The following OCRL variants were observed in gnomAD, a reference collection of about 807,000 sequenced individuals.
OCRL encodes the protein OCRL inositol polyphosphate-5-phosphatase.
In OCRL, 8 loss-of-function variants were observed where a neutral mutation model predicts 78.9. That is an observed-to-expected ratio of 0.10 (90% CI 0.06 to 0.18). The LOEUF (loss-of-function observed/expected upper bound fraction) is 0.18. OCRL is among the 10% of genes least tolerant of loss of function. The pLI is 1.00. For synonymous variants in OCRL, 240 were observed against 235.4 expected (o/e 1.02, Z -0.18); for missense variants, 454 against 696.7 (o/e 0.65, Z 3.92).
Position 129,562,635 on chromosome X carries a change from C to T in OCRL, c.1093C>T (p.His365Tyr), listed in dbSNP as rs1428496175. The change falls in exon 12 of 24, where the codon CAC becomes TAC. Residue 365 changes from histidine to tyrosine, a missense_variant. His to Tyr is a moderately conservative substitution (Grantham distance 83). Around this residue, in one of 2 missense-constraint regions of OCRL, gnomAD observed 277 missense variants for 517.1 expected, o/e 0.54. Transcript: ENST00000371113. ...KGGVAVRFVF[H>Y]NTTFCIVNSH... The stretch of plus-strand genomic sequence containing the variant: ...TGGGGTAGCTGTGAGATTTGTATTT[C>T]ACAACACCACCTTTTGCATTGTCAA... 2 of 1,209,773 alleles carry T rather than the reference C, an allele frequency of 1.7e-6. No individual in the cohort carries two copies. Among genetic ancestry groups the T allele is most frequent in the Non-Finnish European group, 2.2e-6 (2 of 894,923 alleles).
chrX:129,544,116 A>G (rs773227827), intron 2 of OCRL, among the ~76,000 whole-genome samples: 35 of 111,406 alleles, frequency 3.1e-4, no homozygotes, highest in Non-Finnish European at 5.8e-4. Context: ...ACAAAAAACT[A>G]AAAACAATAC....
chrX:129,576,213 C>T, intron 17 of OCRL, 104 bp from the exon 18 acceptor site: 1 of 939,361 alleles, frequency 1.1e-6, no homozygotes, highest in East Asian at 3.1e-5. Context: ...CCCCTCATTG[C>T]TTAATGATTT....
In OCRL at chrX:129,548,577, C is replaced by T; in HGVS notation, c.214C>T (p.Leu72Phe). 2 of 1,205,188 alleles carry T rather than the reference C, an allele frequency of 1.7e-6. No homozygotes were observed. Among genetic ancestry groups the T allele is most frequent in the Non-Finnish European group, 2.2e-6 (2 of 889,846 alleles). The stretch of plus-strand genomic sequence containing the variant: ...TCCCCTCTCAGAAGCAGAAGAAACT[C>T]TTTTGATTGACATAGCTTCTAACAG... ...FRCVQEAEETLLIDIASNSGC... is the reference protein window; with the variant it reads ...FRCVQEAEETFLIDIASNSGC... The change falls in exon 4 of 24, where the codon CTT (leucine) becomes TTT (phenylalanine). Residue 72 changes from leucine (L) to phenylalanine (F), a missense_variant. Transcript: ENST00000371113.
chrX:129,545,782 G>GT (rs2124388863), intron 3 of OCRL, among the ~76,000 whole-genome samples: 1 of 111,943 alleles, frequency 8.9e-6, no homozygotes, highest in South Asian at 3.7e-4. Flanking sequence ...TGGAAAACTT[G>GT]TTTTTTCAAG....
intron 20 of OCRL, among the ~76,000 whole-genome samples, chrX:129,587,715 G>A (rs1221071903): frequency 9.2e-6 from 1 of 109,015 alleles, no homozygotes; most frequent in Non-Finnish European, 1.9e-5. Flanking sequence ...ATTCTGTTTG[G>A]ACTCTGCCTT....
In OCRL at chrX:129,540,330, C is replaced by T. The variant is rs1215246470; in HGVS notation, c.-110C>T. ...CCGGCGCCCGGCGCCCGGCGCGGAGCTGTTCCTCAAACGACACGCAGCCGA... is the reference window on the plus strand; with the variant it reads ...CCGGCGCCCGGCGCCCGGCGCGGAGTTGTTCCTCAAACGACACGCAGCCGA... On this transcript the variant is annotated 5_prime_UTR_variant, in exon 1 of 24. Transcript: ENST00000371113. The T allele has an allele frequency of 4.6e-6, 4 of 872,374 alleles. No homozygotes were observed. The African/African-American group carries it at 8.0e-5, about 18-fold the overall frequency. The allele number at this position is 872,374 out of a possible 1,213,427, so 71.9% of individuals were successfully genotyped here.
chrX:129,566,259 C>A (rs1042355823), intron 13 of OCRL, among the ~76,000 whole-genome samples: 2 of 111,440 alleles, frequency 1.8e-5, no homozygotes, highest in Non-Finnish European at 3.8e-5. Flanking sequence ...GAAAACTGTT[C>A]TATGATTACT....
chrX:129,592,305 G>A lies in OCRL; in HGVS notation c.*2035G>A, dbSNP rs185748363. The A allele has an allele frequency of 1.8e-5, 2 of 113,262 alleles. No homozygotes were observed. Among genetic ancestry groups the A allele is most frequent in the Non-Finnish European group, 3.8e-5 (2 of 53,267 alleles). 9.3% of individuals were successfully genotyped at this position (113,262 alleles called of 1,213,427 possible). A position where few individuals can be genotyped will look rare whatever the true frequency, so the allele number is the denominator to read the frequency against. ...CTAATTTGTAGCTGCTCTGAAGTAA[G>A]GATTTCGGATTCAGCTGGTAGGGAA... On this transcript the variant is annotated 3_prime_UTR_variant, in exon 24 of 24. Transcript: ENST00000371113.
chrX:129,574,813 C>T (rs982930624), intron 15 of OCRL, among the ~76,000 whole-genome samples: 5 of 112,303 alleles, frequency 4.5e-5, no homozygotes, highest in African/African-American at 1.6e-4. Context: ...TTTTACAGGA[C>T]GTTAGCCAAT....
chrX:129,542,555 C>T (rs1275147890), intron 2 of OCRL, among the ~76,000 whole-genome samples: 1 of 108,417 alleles, frequency 9.2e-6, no homozygotes, highest in Non-Finnish European at 1.9e-5. Flanking sequence ...CTGTTCTAAG[C>T]CCTTTTCATT....
intron 4 of OCRL, among the ~76,000 whole-genome samples, chrX:129,551,020 A>G (rs764550749): frequency 6.9e-4 from 77 of 111,014 alleles, no homozygotes; most frequent in Middle Eastern, 4.8e-3. Flanking sequence ...AATTTTAGCA[A>G]ATGTCTTTTT....
chrX:129,545,615 G>A (rs951866830), intron 3 of OCRL, among the ~76,000 whole-genome samples: 1 of 112,016 alleles, frequency 8.9e-6, no homozygotes, highest in African/African-American at 3.2e-5. Context: ...CTGCTACAAT[G>A]AAACTTAAAA....
intron 15 of OCRL, among the ~76,000 whole-genome samples, chrX:129,569,659 G>A (rs1446823988): frequency 9.1e-6 from 1 of 109,800 alleles, no homozygotes; most frequent in African/African-American, 3.3e-5. Context: ...TCCTAAAGTA[G>A]GTATGCATAA....
chrX:129,544,164 T>A (rs967584032), intron 2 of OCRL, among the ~76,000 whole-genome samples: 8 of 111,415 alleles, frequency 7.2e-5, no homozygotes, highest in Non-Finnish European at 3.8e-5. Context: ...TAGTTGACGT[T>A]CAGAATGGCT....
intron 4 of OCRL, among the ~76,000 whole-genome samples, chrX:129,551,198 C>T (rs982694574): frequency 1.3e-4 from 14 of 111,244 alleles, no homozygotes; most frequent in African/African-American, 3.9e-4. Flanking sequence ...CAGTACAGAA[C>T]GACAAAGATA....
chrX:129,555,879 T>A (rs1311960908), intron 4 of OCRL, among the ~76,000 whole-genome samples: 1 of 112,109 alleles, frequency 8.9e-6, no homozygotes, highest in Non-Finnish European at 1.9e-5. Context: ...GTATAAATAA[T>A]CTGAGAAAGA....
chrX:129,569,453 A>G (rs1173637617), intron 15 of OCRL, 54 bp downstream of exon 15: 2 of 1,095,746 alleles, frequency 1.8e-6, no homozygotes, highest in Non-Finnish European at 2.5e-6. Context: ...CAATTACTAG[A>G]GGATTATTTA....
intron 19 of OCRL, among the ~76,000 whole-genome samples, chrX:129,585,986 A>G (rs749140210): frequency 1.2e-3 from 130 of 111,377 alleles, no homozygotes; most frequent in Middle Eastern, 4.6e-3. Flanking sequence ...CAGAATATAT[A>G]TGACCTCAAG....
At chrX:129,582,551 A>G (rs1216219036) in intron 18 of OCRL, among the ~76,000 whole-genome samples, 1 of 112,587 alleles carries the variant, frequency 8.9e-6, no homozygotes. Flanking sequence ...AAAATGTGTC[A>G]GATAGATTCT....
Sources: allele counts gnomAD v4.1 joint callset (sites outside exome capture counted in the v4.1 genomes callset), GRCh38; gene constraint gnomAD v4.1.1; regional missense constraint gnomAD v4.1.1; transcripts MANE v1.5; gene names NCBI Gene and HGNC (gene_info 2026-07-23, HGNC 2026-07-21).